UBR2: variants seen among roughly 807,000 people sequenced by gnomAD.
UBR2 encodes E3 ubiquitin-protein ligase UBR2.
A neutral mutation model predicts 247.9 loss-of-function variants in UBR2; 92 were observed. The observed-to-expected ratio is 0.37, with a 90% CI of 0.31 to 0.44. The LOEUF (loss-of-function observed/expected upper bound fraction) is 0.44. Ranked by LOEUF, UBR2 falls within the 20% of genes least tolerant of loss-of-function variation. The pLI is 1.00. For synonymous variants in UBR2, 672 were observed against 693.5 expected, an observed-to-expected ratio of 0.97 and a Z score of 0.49; for missense variants, 1,613 against 2,112.6, an observed-to-expected ratio of 0.76 and a Z score of 4.64.
intron 1 of UBR2, among the ~76,000 whole-genome samples, chr6:42,573,348 T>G (rs1327164919): frequency 6.6e-6 from 1 of 152,204 alleles, no homozygotes; most frequent in Non-Finnish European, 1.5e-5. Context: ...ATGGACAAAC[T>G]GACGTGAGAA....
At position 42,653,300 on chromosome 6, in the gene UBR2, C is replaced by T. The variant is rs141124349; in HGVS notation, c.2769+655C>T. On this transcript the variant is annotated intron_variant, in intron 25 of 46. Coordinates refer to ENST00000372901, the MANE Select transcript of UBR2 (RefSeq NM_001363705.2). The stretch of plus-strand genomic sequence containing the variant: ...GTTTTGCCATGTTCCCCAGGCTGGT[C>T]TCAAACTCCCAGACTCAAGCAATCC... Among the ~76,000 whole-genome samples, 1,215 of 152,254 alleles carry T rather than the reference C, an allele frequency of 8.0e-3. 29 individuals are homozygous for T. Among genetic ancestry groups the T allele is most frequent in the African/African-American group, 0.027 (1,134 of 41,542 alleles).
In UBR2 at chr6:42,615,195, C is replaced by T. The variant is rs375678171; in HGVS notation, c.1093+17C>T. The T allele has an allele frequency of 3.8e-6, 6 of 1,594,616 alleles. No homozygotes were observed. The African/African-American group carries it at 8.1e-5, about 21-fold the overall frequency. ...TATGGAAAGGTGAATCTCTTAACTA[C>T]TTTTAAGGTGTAGAGGAACCTATAT... On this transcript the variant is annotated intron_variant, in intron 9 of 46. Transcript: ENST00000372901.
chr6:42,637,846 G>A (rs1035259374), intron 15 of UBR2, among the ~76,000 whole-genome samples: 9 of 152,292 alleles, frequency 5.9e-5, no homozygotes, highest in Admixed American at 2.6e-4. Context: ...ACTCATTTCA[G>A]TACAGCTTTC....
chr6:42,596,519 G>A (rs1298356707), intron 4 of UBR2, among the ~76,000 whole-genome samples: 2 of 152,108 alleles, frequency 1.3e-5, no homozygotes, highest in Non-Finnish European at 1.5e-5. Flanking sequence ...AGTTGAGCAA[G>A]TACATGCACA....
chr6:42,580,412 C>T (rs1791804455), intron 2 of UBR2, among the ~76,000 whole-genome samples: 1 of 152,144 alleles, frequency 6.6e-6, no homozygotes, highest in African/African-American at 2.4e-5. Flanking sequence ...ACCATAAAGG[C>T]TTTGGGGTAA....
Position 42,689,551 on chromosome 6 carries a change from T to A in UBR2, c.5025-18T>A. ...TACTAATGTGTAAATGTGTAACGTA[T>A]GACTGATCTCTCTACAGAGTACGGG... On this transcript the variant is annotated intron_variant, in intron 45 of 46. Coordinates refer to ENST00000372901, the MANE Select transcript of UBR2 (RefSeq NM_001363705.2). This position sits in a 1 kb window ranked among gnomAD's most constrained non-coding sequence, Gnocchi z 4.0. 2 of 1,610,522 alleles carry A rather than the reference T, an allele frequency of 1.2e-6. No individual in the cohort carries two copies. Among genetic ancestry groups the A allele is most frequent in the Non-Finnish European group, 8.5e-7 (1 of 1,176,750 alleles).
intron 25 of UBR2, among the ~76,000 whole-genome samples, chr6:42,653,007 T>A (rs1242814890): frequency 6.6e-6 from 1 of 152,218 alleles, no homozygotes; most frequent in East Asian, 1.9e-4. Context: ...ATTTTGTAGT[T>A]GAAGAAACTG....
At chr6:42,599,636 ATGCTTT>A (rs1793231279) in intron 4 of UBR2, among the ~76,000 whole-genome samples, 1 of 147,116 alleles carries the variant, frequency 6.8e-6, no homozygotes, top group African/African-American at 2.5e-5. Context: ...TGTTGTTGTT[ATGCTTT>A]TGTTTTTGTT....
intron 30 of UBR2, among the ~76,000 whole-genome samples, chr6:42,660,624 CTT>C (rs1177561980): frequency 6.6e-6 from 1 of 152,046 alleles, no homozygotes; most frequent in Non-Finnish European, 1.5e-5. Flanking sequence ...TAAAGAAAGT[CTT>C]TGCATCCTAC....
intron 11 of UBR2, chr6:42,620,037 A>G (rs1200314145): frequency 2.1e-6 from 2 of 942,036 alleles, no homozygotes; most frequent in African/African-American, 3.6e-5. Flanking sequence ...TCCATCTTAT[A>G]TCTGTCTGGT....
At position 42,615,080 on chromosome 6, in the gene UBR2, G is replaced by A. The variant is rs142632674; in HGVS notation, c.995G>A (p.Arg332His). 1.3e-4 allele frequency: 203 copies of A among 1,612,580 alleles called. No homozygotes were observed. Among genetic ancestry groups the A allele is most frequent in the Admixed American group, 5.9e-4 (35 of 59,796 alleles). The change falls in exon 9 of 47, where the codon CGC becomes CAC. Residue 332 changes from arginine to histidine, a missense_variant. Around this residue, in one of 3 missense-constraint regions of UBR2, gnomAD observed 1,524 missense variants for 1,967.3 expected, o/e 0.77. Coordinates refer to ENST00000372901, the MANE Select transcript of UBR2 (RefSeq NM_001363705.2). ...TTCCTTCTATTTAAAGATGGCCTTC[G>A]CCGGATTTTATGTCAAGTTGGTTTA... ...GSIIGYSDGLRRILCQVGLQE... is the reference protein window; with the variant it reads ...GSIIGYSDGLHRILCQVGLQE...
chr6:42,656,489 A>G (rs1797447393), intron 26 of UBR2, among the ~76,000 whole-genome samples: 1 of 152,216 alleles, frequency 6.6e-6, no homozygotes. Context: ...CCAGCCCAAA[A>G]GATGCCCAAG....
At chr6:42,640,377 C>T in intron 16 of UBR2, 107 bp downstream of exon 16, 1 of 663,058 alleles carries the variant, frequency 1.5e-6, no homozygotes, top group Non-Finnish European at 2.4e-6. Context: ...GGAACAGAAC[C>T]AGTAAGGTGT....
intron 2 of UBR2, among the ~76,000 whole-genome samples, chr6:42,578,628 T>C (rs1246956169): frequency 6.6e-6 from 1 of 152,076 alleles, no homozygotes; most frequent in Admixed American, 6.5e-5. Context: ...CTCTTCTTCA[T>C]ATAAATTACT....
rs1347766933 is a variant in UBR2 at position 42,692,234 on chromosome 6, C to CA, written c.*1062dup. On this transcript the variant is annotated 3_prime_UTR_variant, in exon 47 of 47. Transcript: ENST00000372901. ...CTTGTTATTTCTAAGGCTAAATTGGCAGAGTATATCATCTAAAGCCAAACA... is the reference window on the plus strand; with the variant it reads ...CTTGTTATTTCTAAGGCTAAATTGGCAAGAGTATATCATCTAAAGCCAAACA... 2 of 152,098 alleles carry CA rather than the reference C, an allele frequency of 1.3e-5. No individual in the cohort carries two copies. Among genetic ancestry groups the CA allele is most frequent in the Admixed American group, 1.3e-4 (2 of 15,250 alleles). The allele number at this position is 152,098 out of a possible 1,614,324, so 9.4% of individuals were successfully genotyped here. A position where few individuals can be genotyped will look rare whatever the true frequency, so the allele number is the denominator to read the frequency against.
chr6:42,583,992 ATT>A (rs199507142), intron 2 of UBR2, among the ~76,000 whole-genome samples: 22 of 120,590 alleles, frequency 1.8e-4, no homozygotes, highest in African/African-American at 3.5e-4. Context: ...TCCCCATTGA[ATT>A]TTTTTTTTTT....
chr6:42,638,722 C>T (rs1476512663), intron 15 of UBR2, among the ~76,000 whole-genome samples: 2 of 151,192 alleles, frequency 1.3e-5, no homozygotes, highest in African/African-American at 4.9e-5. Context: ...AGCACGCAGG[C>T]GCAGCGTGGC....
chr6:42,644,416 G>T, intron 19 of UBR2, 57 bp from the exon 20 acceptor site: 1 of 1,604,856 alleles, frequency 6.2e-7, no homozygotes, highest in Non-Finnish European at 8.5e-7. Flanking sequence ...AATCCTCTGA[G>T]ATTATGCAAT....
In UBR2 at chr6:42,615,163, T is replaced by G; in HGVS notation, c.1078T>G (p.Ser360Ala). ...AGTGGACAGACTGATGCTTAGTGAT[T>G]CCAAATTATGGAAAGGTGAATCTCT... ...SLVDRLMLSD[S>A]KLWKGARSVY... Residue 360 changes from serine to alanine, a missense_variant, in exon 9 of 47, where the codon TCC becomes GCC. Physicochemically the swap from Ser to Ala is moderately conservative, Grantham distance 99. Coordinates refer to ENST00000372901, the MANE Select transcript of UBR2 (RefSeq NM_001363705.2). The G allele has an allele frequency of 1.2e-6, 2 of 1,610,960 alleles. No individual in the cohort carries two copies. Among genetic ancestry groups the G allele is most frequent in the Non-Finnish European group, 8.5e-7 (1 of 1,178,602 alleles).
Sources: allele counts gnomAD v4.1 joint callset (sites outside exome capture counted in the v4.1 genomes callset), GRCh38; gene constraint gnomAD v4.1.1; regional missense constraint gnomAD v4.1.1; non-coding constraint Gnocchi (gnomAD v3.1); transcripts MANE v1.5; gene names NCBI Gene and HGNC (gene_info 2026-07-23, HGNC 2026-07-21).